The following PLCG1 variants were observed in gnomAD, a reference collection of about 807,000 sequenced individuals.
PLCG1 encodes phospholipase C gamma 1.
PLCG1 carries 71 observed loss-of-function variants against 177.8 expected under a neutral mutation model. The ratio of observed to expected loss-of-function variants is 0.40; its 90% CI spans 0.33 to 0.49. PLCG1 has a LOEUF of 0.49. Among genes scored for constraint, PLCG1 ranks in the 20% least tolerant of loss-of-function variants. The pLI, the probability that PLCG1 is intolerant of heterozygous loss-of-function variation, is 0.72. For synonymous variants in PLCG1, 658 were observed against 647.9 expected (o/e 1.02, Z -0.24); for missense variants, 1,281 against 1,709.0 (o/e 0.75, Z 4.42).
At position 41,169,112 on chromosome 20, in the gene PLCG1, G is replaced by A. The variant is rs35738919; in HGVS notation, c.2517G>A (p.Leu839=). 7.4e-5 allele frequency: 120 copies of A among 1,614,126 alleles called. No individual in the cohort carries two copies. The East Asian group carries it at 2.5e-3, about 33-fold the overall frequency. Residue 839 remains leucine (L), a synonymous_variant, in exon 22 of 32, where the codon CTG becomes CTA. Coordinates refer to ENST00000685551, the MANE Select transcript of PLCG1 (RefSeq NM_002660.3). ...WRGDYGGKKQ[L]WFPSNYVEEM... ...GGGACTACGGAGGGAAGAAGCAGCTGTGGTTCCCATCAAACTACGTGGAAG... is the reference window on the plus strand; with the variant it reads ...GGGACTACGGAGGGAAGAAGCAGCTATGGTTCCCATCAAACTACGTGGAAG...
chr20:41,139,739 A>G (rs2034754388), intron 1 of PLCG1, among the ~76,000 whole-genome samples: 1 of 152,110 alleles, frequency 6.6e-6, no homozygotes, highest in Non-Finnish European at 1.5e-5. Context: ...GCCCTTCAAG[A>G]CCCTGAACTG....
At chr20:41,154,012 C>T (rs181901811) in intron 1 of PLCG1, among the ~76,000 whole-genome samples, 113 of 152,316 alleles carry the variant, frequency 7.4e-4, no homozygotes, top group African/African-American at 2.6e-3. Flanking sequence ...AATATGTCCT[C>T]CTGTCCCTTT....
rs1452365747 is a variant in PLCG1 at position 41,169,515 on chromosome 20, C to T, written c.2639C>T (p.Ala880Val). Residue 880 changes from alanine (A) to valine (V), a missense_variant, in exon 23 of 32, where the codon GCT (alanine) becomes GTT (valine). Ala to Val is a moderately conservative substitution (Grantham distance 64). Around this residue, in one of 4 missense-constraint regions of PLCG1, gnomAD observed 723 missense variants for 1,030.0 expected, o/e 0.70. Coordinates refer to ENST00000685551, the MANE Select transcript of PLCG1 (RefSeq NM_002660.3). ...DLLRGVLDVPACQIAIRPEGK... is the reference protein window; with the variant it reads ...DLLRGVLDVPVCQIAIRPEGK... ...CTGCGGGGGGTCTTGGATGTGCCGG[C>T]TTGTCAGATTGGTGAGCTCCCATCT... The T allele has an allele frequency of 1.2e-6, 2 of 1,612,836 alleles. No individual in the cohort carries two copies. The highest frequency in any genetic ancestry group is 3.3e-5 in the Admixed American group (2 of 59,988).
rs2035966032 is a variant in PLCG1 at position 41,173,453 on chromosome 20, C to T, written c.3313C>T (p.Arg1105Ter). 2 of 1,611,144 alleles carry T rather than the reference C, an allele frequency of 1.2e-6. No individual in the cohort carries two copies. The highest frequency in any genetic ancestry group is 1.7e-6 in the Non-Finnish European group (2 of 1,178,244). Residue 1105 changes from arginine (R) to a stop codon, truncating the protein, a stop_gained, in exon 28 of 32, where the codon CGA (arginine) becomes TGA (stop). Coordinates refer to ENST00000685551, the MANE Select transcript of PLCG1 (RefSeq NM_002660.3). LOFTEE classifies it high-confidence loss of function. This position sits in a 1 kb window ranked among gnomAD's most constrained non-coding sequence, Gnocchi z 6.2. ...GGCCCGACATCTGCCAAAGAATGGC[C>T]GAGGCATTGTGTGTCCTTTTGTGGA... ...LGARHLPKNG[R>*]GIVCPFVEIE...
Position 41,165,433 on chromosome 20 carries a change from T to C in PLCG1, c.1510-17T>C. The C allele has an allele frequency of 6.2e-7, 1 of 1,613,904 alleles. No individual in the cohort carries two copies. The highest frequency in any genetic ancestry group is 1.7e-5 in the Admixed American group (1 of 60,022). On this transcript the variant is annotated splice_polypyrimidine_tract_variant and intron_variant, in intron 14 of 31. Transcript: ENST00000685551. This position sits in a 1 kb window ranked among gnomAD's most constrained non-coding sequence, Gnocchi z 6.6. ...GTGAGGACCCTGGCTCACAAGTCCC[T>C]CTTTGGTCTGTTCCAGGAATGGTAT...
rs1252724839 is a variant in PLCG1 at position 41,144,648 on chromosome 20, T to A, written c.217+6790T>A. Among the ~76,000 whole-genome samples, 1 of 152,202 alleles carries A rather than the reference T, an allele frequency of 6.6e-6. No homozygotes were observed. The highest frequency in any genetic ancestry group is 1.9e-4 in the East Asian group (1 of 5,194). Reference sequence around the variant, plus strand: ...AACCTGGGGCTCCATGCCCCAAATATCCTGAGAAGGGCTTTTCCAGGATTC... The same window carrying A: ...AACCTGGGGCTCCATGCCCCAAATAACCTGAGAAGGGCTTTTCCAGGATTC... On this transcript the variant is annotated intron_variant, in intron 1 of 31. Transcript: ENST00000685551. This position sits in a 1 kb window ranked among gnomAD's most constrained non-coding sequence, Gnocchi z 4.1.
chr20:41,166,409 T>TG lies in PLCG1; in HGVS notation c.2000+20dup. On this transcript the variant is annotated intron_variant, in intron 17 of 31. Transcript: ENST00000685551. This position sits in a 1 kb window ranked among gnomAD's most constrained non-coding sequence, Gnocchi z 8.6. Reference sequence around the variant, plus strand: ...GAGAGCAAAGAGTGAGGGAAGGGCCTGGGGGCGGACAAGGCAGGGCAGGGC... The same window carrying TG: ...GAGAGCAAAGAGTGAGGGAAGGGCCTGGGGGGCGGACAAGGCAGGGCAGGGC... 2 of 1,613,726 alleles carry TG rather than the reference T, an allele frequency of 1.2e-6. No individual in the cohort carries two copies. Among genetic ancestry groups the TG allele is most frequent in the South Asian group, 2.2e-5 (2 of 91,034 alleles).
chr20:41,174,090 C>T lies in PLCG1; in HGVS notation c.3646-34C>T. On this transcript the variant is annotated intron_variant, in intron 30 of 31. Transcript: ENST00000685551. The surrounding 1 kb of genome is among the most constrained non-coding windows in gnomAD (Gnocchi z 5.8). ...GCAGCCTCTAGAAGTGCAGAGGAGT[C>T]ATTGACCCTCTTGTGCACCTGGCTT... The T allele has an allele frequency of 2.5e-6, 4 of 1,609,056 alleles. No homozygotes were observed. The East Asian group carries it at 8.9e-5, about 36-fold the overall frequency.
In PLCG1 at chr20:41,137,839, C is replaced by T; in HGVS notation, c.198C>T (p.Ala66=). The change falls in exon 1 of 32, where the codon GCC becomes GCT. Residue 66 remains alanine, a synonymous_variant. Transcript: ENST00000685551. This position sits in a 1 kb window ranked among gnomAD's most constrained non-coding sequence, Gnocchi z 7.3. ...ETRQITWSRG[A]DKIEGAIDIR... ...GCCAGATCACGTGGAGCCGGGGCGC[C>T]GACAAGATCGAGGGGGCCAGTAAGT... The T allele has an allele frequency of 7.7e-7, 1 of 1,291,818 alleles. No homozygotes were observed. Among genetic ancestry groups the T allele is most frequent in the Non-Finnish European group, 9.9e-7 (1 of 1,012,496 alleles). The allele number at this position is 1,291,818 out of a possible 1,614,324, so 80.0% of individuals were successfully genotyped here. A position where few individuals can be genotyped will look rare whatever the true frequency, so the allele number is the denominator to read the frequency against.
chr20:41,152,513 T>C (rs2035197606), intron 1 of PLCG1, among the ~76,000 whole-genome samples: 1 of 152,272 alleles, frequency 6.6e-6, no homozygotes, highest in Non-Finnish European at 1.5e-5. Context: ...CCTCAGCCTC[T>C]GTGGCCCACT....
intron 4 of PLCG1, 101 bp from the exon 5 acceptor site, chr20:41,162,351 A>G (rs1326087544): frequency 1.2e-6 from 1 of 821,498 alleles, no homozygotes; most frequent in East Asian, 2.7e-5. Flanking sequence ...AGGTTCCCAG[A>G]ATAGTGTTGT....
At position 41,165,881 on chromosome 20, in the gene PLCG1, A is replaced by T. The variant is rs2035670306; in HGVS notation, c.1799+55A>T. ...CAGTCAGCGTGTGTACACAGACATC[A>T]CATCACCCAGAGATAATCAGTTAAC... is the stretch of plus-strand genomic sequence containing the variant. On this transcript the variant is annotated intron_variant, in intron 16 of 31. Transcript: ENST00000685551. This position sits in a 1 kb window ranked among gnomAD's most constrained non-coding sequence, Gnocchi z 6.6. 1 of 1,345,944 alleles carries T rather than the reference A, an allele frequency of 7.4e-7. No homozygotes were observed. The highest frequency in any genetic ancestry group is 1.0e-6 in the Non-Finnish European group (1 of 974,914). 83.4% of individuals were successfully genotyped at this position (1,345,944 alleles called of 1,614,324 possible).
rs148304145 is a variant in PLCG1 at position 41,168,573 on chromosome 20, C to G, written c.2380-194C>G. Among the ~76,000 whole-genome samples, 50 of 152,354 alleles carry G rather than the reference C, an allele frequency of 3.3e-4. No homozygotes were observed. In the East Asian group the frequency reaches 9.5e-3, roughly 29 times the overall value. ...CTGGCAGAGGCCCTGCCTCTCTGAT[C>G]ATATCTGTCCTGGAGCTTCCCTGCA... On this transcript the variant is annotated intron_variant, in intron 20 of 31. Coordinates refer to ENST00000685551, the MANE Select transcript of PLCG1 (RefSeq NM_002660.3).
intron 1 of PLCG1, among the ~76,000 whole-genome samples, chr20:41,158,975 G>A (rs1012114592): frequency 2.6e-5 from 4 of 152,332 alleles, no homozygotes; most frequent in Non-Finnish European, 5.9e-5. Context: ...GCATGCAAGG[G>A]CCTTGGATAG....
At chr20:41,169,249 C>A in intron 22 of PLCG1, 74 bp downstream of exon 22, 2 of 1,164,090 alleles carry the variant, frequency 1.7e-6, no homozygotes, top group African/African-American at 1.5e-5. Flanking sequence ...ATCACACAGT[C>A]CCAAGCACGC....
rs1455643706 is a variant in PLCG1, at chr20:41,147,059, C to T, written c.217+9201C>T. 2.6e-5 allele frequency among the ~76,000 whole-genome samples: 4 copies of T among 152,090 alleles called. No homozygotes were observed. The highest frequency in any genetic ancestry group is 5.9e-5 in the Non-Finnish European group (4 of 68,024). On this transcript the variant is annotated intron_variant, in intron 1 of 31. Coordinates refer to ENST00000685551, the MANE Select transcript of PLCG1 (RefSeq NM_002660.3). The surrounding 1 kb of genome is among the most constrained non-coding windows in gnomAD (Gnocchi z 4.0). ...GGTCCTTCTCTGAGGCACTGAAGAC[C>T]CACTTTATGGTCACCCTATTCTGCC...
In PLCG1 at chr20:41,153,431, C is replaced by T. The variant is rs1043984006; in HGVS notation, c.218-6175C>T. On this transcript the variant is annotated intron_variant, in intron 1 of 31. Transcript: ENST00000685551. This position sits in a 1 kb window ranked among gnomAD's most constrained non-coding sequence, Gnocchi z 5.1. ...ACCGCCTCCCAAGTAGCTGGGACTA[C>T]AGGCATGTGCTACCATGTCTAGCTA... is the stretch of plus-strand genomic sequence containing the variant. Among the ~76,000 whole-genome samples the T allele has an allele frequency of 6.6e-6, 1 of 152,182 alleles. No homozygotes were observed. The highest frequency in any genetic ancestry group is 1.5e-5 in the Non-Finnish European group (1 of 68,042).
chr20:41,166,078 A>AT lies in PLCG1; in HGVS notation c.1800-114dup. ...TGCCCACACCTGAGCTCCTCAGGAG[A>AT]TTGGCCTCCCTCCTTGAGGCTCCCT... On this transcript the variant is annotated intron_variant, in intron 16 of 31. Transcript: ENST00000685551. This position sits in a 1 kb window ranked among gnomAD's most constrained non-coding sequence, Gnocchi z 8.6. 1 of 824,938 alleles carries AT rather than the reference A, an allele frequency of 1.2e-6. No homozygotes were observed. Among genetic ancestry groups the AT allele is most frequent in the Non-Finnish European group, 1.8e-6 (1 of 545,716 alleles). 51.1% of individuals were successfully genotyped at this position (824,938 alleles called of 1,614,324 possible).
Position 41,148,438 on chromosome 20 carries a change from A to G in PLCG1, c.217+10580A>G, listed in dbSNP as rs59023688. On this transcript the variant is annotated intron_variant, in intron 1 of 31. Coordinates refer to ENST00000685551, the MANE Select transcript of PLCG1 (RefSeq NM_002660.3). The surrounding 1 kb of genome is among the most constrained non-coding windows in gnomAD (Gnocchi z 4.3). ...CCCCAGATTTTTATTTCTTCTCCCA[A>G]CCCATTCCATTTCCTCTCCCTTGTG... is the stretch of plus-strand genomic sequence containing the variant. Among the ~76,000 whole-genome samples the G allele has an allele frequency of 4.6e-5, 7 of 152,010 alleles. No individual in the cohort carries two copies. Among genetic ancestry groups the G allele is most frequent in the Admixed American group, 2.6e-4 (4 of 15,234 alleles).
Sources: gnomAD v4.1 joint callset for allele counts (sites outside exome capture counted in the v4.1 genomes callset) on GRCh38, gnomAD v4.1.1 for gene constraint, gnomAD v4.1.1 regional missense constraint, Gnocchi (gnomAD v3.1) non-coding constraint, MANE v1.5 for transcripts, NCBI Gene and HGNC (gene_info 2026-07-23, HGNC 2026-07-21) for gene names.